The following LINGO1 variants were observed in gnomAD, a reference collection of about 807,000 sequenced individuals.
LINGO1 encodes leucine-rich repeat and immunoglobulin-like domain-containing nogo receptor-interacting protein 1.
Under a neutral mutation model 37.3 loss-of-function variants are expected in LINGO1, and 11 were observed. The observed-to-expected ratio is 0.29, with a 90% CI of 0.19 to 0.49. LINGO1 has a LOEUF of 0.49. LINGO1 is among the 20% of genes least tolerant of loss of function. LINGO1 has a pLI of 0.99. For missense variants in LINGO1, 585 were observed against 878.2 expected, an observed-to-expected ratio of 0.67 and a Z score of 4.22; for synonymous variants, 387 against 403.0, an observed-to-expected ratio of 0.96 and a Z score of 0.48.
intron 2 of LINGO1, among the ~76,000 whole-genome samples, chr15:77,701,784 C>CT (rs1491501575): frequency 6.7e-6 from 1 of 150,200 alleles, no homozygotes; most frequent in African/African-American, 2.5e-5. Context: ...TGGAAGCTCC[C>CT]TGAGGCCCCC....
intron 2 of LINGO1, among the ~76,000 whole-genome samples, chr15:77,708,019 A>G (rs148970237): frequency 6.6e-6 from 1 of 152,350 alleles, no homozygotes; most frequent in African/African-American, 2.4e-5. Context: ...GGCACCAGGC[A>G]CCAGCTTGCC....
intron 2 of LINGO1, among the ~76,000 whole-genome samples, chr15:77,717,026 G>C (rs1333032728): frequency 6.6e-6 from 1 of 150,436 alleles, no homozygotes; most frequent in Admixed American, 6.7e-5. Flanking sequence ...AGAGAGGAGA[G>C]AGACCCAGGA....
At chr15:77,815,287 G>A (rs1442116199) in intron 1 of LINGO1, among the ~76,000 whole-genome samples, 1 of 151,940 alleles carries the variant, frequency 6.6e-6, no homozygotes, top group African/African-American at 2.4e-5. Flanking sequence ...TGAGGCCCCG[G>A]CCACCCCACC....
At position 77,614,798 on chromosome 15, in the gene LINGO1, G is replaced by T. The variant is rs747920582; in HGVS notation, c.1109C>A (p.Pro370Gln). The T allele has an allele frequency of 1.2e-6, 2 of 1,610,598 alleles. No individual in the cohort carries two copies. Among genetic ancestry groups the T allele is most frequent in the East Asian group, 4.5e-5 (2 of 44,700 alleles). Residue 370 changes from proline (P) to glutamine (Q), a missense_variant, in exon 2 of 2, where the codon CCG (proline) becomes CAG (glutamine). Pro to Gln is a moderately conservative substitution (Grantham distance 76). Around this residue, in one of 4 missense-constraint regions of LINGO1, gnomAD observed 484 missense variants for 735.0 expected, o/e 0.66. Transcript: ENST00000355300. ...CAGGAGCCGACAGTCGCAGGCCAGC[G>T]GGTTGGAGTCCAGGATGAGTGTCTC... ...NLETLILDSN[P>Q]LACDCRLLWV...
chr15:77,642,575 G>A (rs1165546209), intron 3 of LINGO1, among the ~76,000 whole-genome samples: 20 of 152,200 alleles, frequency 1.3e-4, no homozygotes, highest in Non-Finnish European at 2.9e-4. Context: ...AGGGCCACAC[G>A]AAGGCCAGGA....
At chr15:77,634,981 G>GC (rs1187214382), upstream of LINGO1, among the ~76,000 whole-genome samples, 1 of 152,126 alleles carries the variant, frequency 6.6e-6, no homozygotes, top group East Asian at 1.9e-4. Context: ...ACATCTCTCC[G>GC]CCCCCGACTC....
chr15:77,802,293 T>C (rs1270238350), intron 1 of LINGO1, among the ~76,000 whole-genome samples: 3 of 152,046 alleles, frequency 2.0e-5, no homozygotes, highest in Non-Finnish European at 4.4e-5. Flanking sequence ...ATGTGTGTTG[T>C]CACTCTCGGG....
At chr15:77,626,910 C>T (rs1272558431) in intron 1 of LINGO1, among the ~76,000 whole-genome samples, 1 of 152,104 alleles carries the variant, frequency 6.6e-6, no homozygotes, top group African/African-American at 2.4e-5. Context: ...CTGAGATGCC[C>T]CCGTGTTGCA....
intron 2 of LINGO1, among the ~76,000 whole-genome samples, chr15:77,721,187 C>A (rs1027439211): frequency 6.6e-6 from 1 of 152,122 alleles, no homozygotes; most frequent in South Asian, 2.1e-4. Flanking sequence ...GCCCCAGTCA[C>A]CCCGCTTCAT....
intron 1 of LINGO1, among the ~76,000 whole-genome samples, chr15:77,811,084 C>T (rs1466957238): frequency 2.3e-5 from 3 of 129,578 alleles, no homozygotes; most frequent in African/African-American, 8.5e-5. Context: ...CACCCCAATT[C>T]CCACAGCTGT....
chr15:77,771,618 TC>T (rs1391512606), intron 1 of LINGO1, among the ~76,000 whole-genome samples: 1 of 151,986 alleles, frequency 6.6e-6, no homozygotes, highest in African/African-American at 2.4e-5. Flanking sequence ...CCCACCAAGT[TC>T]CGTAGATAAG....
intron 1 of LINGO1, among the ~76,000 whole-genome samples, chr15:77,812,980 G>T (rs1012185200): frequency 6.6e-6 from 1 of 152,174 alleles, no homozygotes; most frequent in Non-Finnish European, 1.5e-5. Flanking sequence ...GGCCACAGAG[G>T]CCCCAAGGGA....
At chr15:77,792,595 G>A (rs960264612) in intron 2 of LINGO1, among the ~76,000 whole-genome samples, 1 of 152,070 alleles carries the variant, frequency 6.6e-6, no homozygotes, top group East Asian at 2.0e-4. Flanking sequence ...AAGGGCTCCA[G>A]AGAAGGGCTC....
chr15:77,736,342 C>T (rs990776666), intron 1 of LINGO1, among the ~76,000 whole-genome samples: 3 of 152,154 alleles, frequency 2.0e-5, no homozygotes, highest in Non-Finnish European at 2.9e-5. Context: ...TAGCAATAAC[C>T]ATGCTTGTGC....
At chr15:77,700,957 C>T (rs1051435133), upstream of LINGO1, among the ~76,000 whole-genome samples, 1 of 152,206 alleles carries the variant, frequency 6.6e-6, no homozygotes, top group African/African-American at 2.4e-5. Context: ...GGGAGGCCAG[C>T]ATCACCATGG....
intron 2 of LINGO1, among the ~76,000 whole-genome samples, chr15:77,718,466 G>T (rs533825500): frequency 1.7e-4 from 26 of 151,032 alleles, no homozygotes; most frequent in African/African-American, 6.3e-4. Context: ...GTGTGTATGT[G>T]TATACAGGAC....
At chr15:77,719,395 C>G (rs2076022385) in intron 2 of LINGO1, among the ~76,000 whole-genome samples, 1 of 149,866 alleles carries the variant, frequency 6.7e-6, no homozygotes, top group Non-Finnish European at 1.5e-5. Context: ...AGTGCCCCTC[C>G]TCCATGTAAG....
intron 2 of LINGO1, among the ~76,000 whole-genome samples, chr15:77,731,564 C>T (rs985445377): frequency 2.6e-5 from 4 of 152,142 alleles, no homozygotes; most frequent in African/African-American, 9.7e-5. Flanking sequence ...TGGCTTCCCT[C>T]TCCTGCGTGA....
intron 2 of LINGO1, among the ~76,000 whole-genome samples, chr15:77,682,266 G>T (rs2075428108): frequency 6.8e-6 from 1 of 147,422 alleles, no homozygotes; most frequent in Non-Finnish European, 1.5e-5. Flanking sequence ...TCATATGGCA[G>T]TAGAGATTAA....
Sources: allele counts gnomAD v4.1 joint callset (sites outside exome capture counted in the v4.1 genomes callset), GRCh38; gene constraint gnomAD v4.1.1; regional missense constraint gnomAD v4.1.1; transcripts MANE v1.5; gene names NCBI Gene and HGNC (gene_info 2026-07-23, HGNC 2026-07-21).